Variants in ATP6V1H observed in about 807,000 individuals in gnomAD.
ATP6V1H encodes V-type proton ATPase subunit H.
ATP6V1H carries 39 observed loss-of-function variants against 71.7 expected under a neutral mutation model. The observed-to-expected ratio is 0.54, with a 90% confidence interval of 0.42 to 0.71. ATP6V1H has a LOEUF of 0.71. Among genes scored for constraint, ATP6V1H ranks in the 30% least tolerant of loss-of-function variants. ATP6V1H has a pLI of 0.00. For synonymous variants in ATP6V1H, 192 were observed against 199.3 expected (o/e 0.96, Z 0.31); for missense variants, 509 against 594.9 (o/e 0.86, Z 1.50).
intron 13 of ATP6V1H, among the ~76,000 whole-genome samples, chr8:53,740,573 A>T (rs1330798467): frequency 6.6e-6 from 1 of 151,964 alleles, no homozygotes; most frequent in African/African-American, 2.4e-5. Flanking sequence ...TAAAAGAAAA[A>T]CTCCACTGTA....
intron 4 of ATP6V1H, among the ~76,000 whole-genome samples, chr8:53,818,754 G>A (rs1037052249): frequency 1.3e-5 from 2 of 152,034 alleles, no homozygotes; most frequent in Non-Finnish European, 2.9e-5. Context: ...GGAAACATAA[G>A]CAATTCTGTC....
rs140726645 is a variant in ATP6V1H, at chr8:53,755,176, G to A, written c.1277+1379C>T. Among the ~76,000 whole-genome samples, 336 of 152,254 alleles carry A rather than the reference G, an allele frequency of 2.2e-3. 2 individuals carry two copies. Among genetic ancestry groups the A allele is most frequent in the African/African-American group, 7.8e-3 (325 of 41,542 alleles). On this transcript the variant is annotated intron_variant, in intron 12 of 13. Transcript: ENST00000359530. Reference sequence around the variant, plus strand: ...TCCTTTGAGGAAAGCTCTAGAGGCAGTTCACTGGAAACAAAGATCATTGAT... The same window carrying A: ...TCCTTTGAGGAAAGCTCTAGAGGCAATTCACTGGAAACAAAGATCATTGAT...
chr8:53,803,397 C>T (rs1809979024), intron 7 of ATP6V1H, among the ~76,000 whole-genome samples: 1 of 151,914 alleles, frequency 6.6e-6, no homozygotes, highest in Non-Finnish European at 1.5e-5. Flanking sequence ...AGACAACAGC[C>T]TTCAAAATGA....
At chr8:53,769,165 T>C (rs1808567193) in intron 11 of ATP6V1H, among the ~76,000 whole-genome samples, 1 of 152,104 alleles carries the variant, frequency 6.6e-6, no homozygotes, top group Admixed American at 6.5e-5. Flanking sequence ...CTAGGAGATA[T>C]CACATAAAGA....
chr8:53,819,524 T>A (rs2130487902), intron 4 of ATP6V1H, among the ~76,000 whole-genome samples: 1 of 95,942 alleles, frequency 1.0e-5, no homozygotes, highest in Admixed American at 1.2e-4. Context: ...AGAGCAAGAA[T>A]CTATCTCAAA....
intron 12 of ATP6V1H, among the ~76,000 whole-genome samples, chr8:53,753,286 C>A (rs997165973): frequency 6.6e-6 from 1 of 152,084 alleles, no homozygotes; most frequent in Non-Finnish European, 1.5e-5. Context: ...ATTAGCATGG[C>A]CACAGTTTTG....
At chr8:53,825,688 A>G (rs1810805569) in intron 4 of ATP6V1H, among the ~76,000 whole-genome samples, 1 of 152,168 alleles carries the variant, frequency 6.6e-6, no homozygotes, top group African/African-American at 2.4e-5. Context: ...GTGCTAGAAC[A>G]ACTGAATGGC....
chr8:53,763,476 G>T (rs530438621), intron 11 of ATP6V1H, among the ~76,000 whole-genome samples: 1 of 152,272 alleles, frequency 6.6e-6, no homozygotes, highest in East Asian at 1.9e-4. Flanking sequence ...CAGGTTCATG[G>T]ATCTGAATAC....
chr8:53,784,773 A>G (rs948411008), intron 9 of ATP6V1H, among the ~76,000 whole-genome samples: 1 of 152,090 alleles, frequency 6.6e-6, no homozygotes, highest in African/African-American at 2.4e-5. Flanking sequence ...TCTGTAAATG[A>G]TTTTATTTCT....
At chr8:53,729,935 C>G (rs762179863) in intron 13 of ATP6V1H, among the ~76,000 whole-genome samples, 1 of 152,160 alleles carries the variant, frequency 6.6e-6, no homozygotes, top group Non-Finnish European at 1.5e-5. Context: ...AAGGGAGCTT[C>G]CTGCACCCAG....
At chr8:53,803,457 T>C (rs1461922714) in intron 7 of ATP6V1H, among the ~76,000 whole-genome samples, 1 of 152,238 alleles carries the variant, frequency 6.6e-6, no homozygotes, top group African/African-American at 2.4e-5. Flanking sequence ...ACAGGTGTTA[T>C]ATAAATTCAC....
Position 53,801,844 on chromosome 8 carries a change from A to G in ATP6V1H, c.632T>C (p.Val211Ala). 1.2e-6 allele frequency: 2 copies of G among 1,614,084 alleles called. No homozygotes were observed. Among genetic ancestry groups the G allele is most frequent in the Non-Finnish European group, 1.7e-6 (2 of 1,179,980 alleles). The change falls in exon 8 of 14, where the codon GTC becomes GCC. Residue 211 changes from valine (V) to alanine (A), a missense_variant. By Grantham distance (64) the Val-to-Ala change is moderately conservative. Transcript: ENST00000359530. ...CACCCAAGCAAAGCGGTACTCATTG[A>G]CCCGGAGCATCAGCTGCAAACACCC... Reference protein sequence around the residue: ...VAGCLQLMLRVNEYRFAWVEA... With the variant: ...VAGCLQLMLRANEYRFAWVEA...
At chr8:53,788,106 C>A (rs1275311280) in intron 9 of ATP6V1H, among the ~76,000 whole-genome samples, 2 of 152,168 alleles carry the variant, frequency 1.3e-5, no homozygotes, top group Non-Finnish European at 2.9e-5. Flanking sequence ...TTTACTATGT[C>A]TTTATCAATG....
chr8:53,720,872 T>G (rs1042226330), intron 13 of ATP6V1H, among the ~76,000 whole-genome samples: 1 of 152,234 alleles, frequency 6.6e-6, no homozygotes, highest in Non-Finnish European at 1.5e-5. Context: ...CTAGTCTTCC[T>G]TTAGTGTGCA....
At chr8:53,741,139 T>C (rs1329200069) in intron 13 of ATP6V1H, among the ~76,000 whole-genome samples, 2 of 152,224 alleles carry the variant, frequency 1.3e-5, no homozygotes, top group African/African-American at 4.8e-5. Context: ...CAGAATACAC[T>C]TCCTCTTATA....
intron 11 of ATP6V1H, 47 bp from the exon 12 acceptor site, chr8:53,756,703 T>C (rs2130256640): frequency 7.6e-7 from 1 of 1,310,072 alleles, no homozygotes; most frequent in South Asian, 1.2e-5. Flanking sequence ...AATTTTTCTA[T>C]AGACTACAAC....
chr8:53,842,739 A>AC (rs912305910), intron 1 of ATP6V1H: 1 of 152,120 alleles, frequency 6.6e-6, no homozygotes, highest in African/African-American at 2.4e-5. Context: ...AACTACTCGC[A>AC]CCCCCAGCGA....
chr8:53,789,514 T>C (rs558266704), intron 9 of ATP6V1H, among the ~76,000 whole-genome samples: 2 of 152,262 alleles, frequency 1.3e-5, no homozygotes, highest in South Asian at 4.1e-4. Flanking sequence ...TACCTGGTTT[T>C]TCATAGAAAC....
intron 13 of ATP6V1H, among the ~76,000 whole-genome samples, chr8:53,726,704 A>G (rs1806824627): frequency 6.6e-6 from 1 of 152,220 alleles, no homozygotes; most frequent in Non-Finnish European, 1.5e-5. Context: ...ATGTGTAAAG[A>G]TTCAAAAGAT....
Sources: allele counts gnomAD v4.1 joint callset (sites outside exome capture counted in the v4.1 genomes callset), GRCh38; gene constraint gnomAD v4.1.1; transcripts MANE v1.5; gene names NCBI Gene and HGNC (gene_info 2026-07-23, HGNC 2026-07-21).